The following MDN1 variants were observed in gnomAD, a reference collection of about 807,000 sequenced individuals.
MDN1 encodes midasin.
MDN1 carries 266 observed loss-of-function variants against 669.2 expected under a neutral mutation model. The observed-to-expected ratio is 0.40, with a 90% confidence interval of 0.36 to 0.44. The LOEUF (loss-of-function observed/expected upper bound fraction) is 0.44. MDN1 is among the 20% of genes least tolerant of loss of function. MDN1 has a pLI of 1.00. For synonymous variants in MDN1, 2,385 were observed against 2,457.1 expected (o/e 0.97, Z 0.87); for missense variants, 5,940 against 6,754.0 (o/e 0.88, Z 4.22).
intron 36 of MDN1, among the ~76,000 whole-genome samples, chr6:89,728,424 T>C (rs997184398): frequency 2.0e-5 from 3 of 152,224 alleles, no homozygotes; most frequent in Admixed American, 6.5e-5. Context: ...GAAAGAGAAT[T>C]AGAATAAAGC....
chr6:89,780,159 A>G (rs1584359491), intron 11 of MDN1, 53 bp downstream of exon 11: 2 of 987,528 alleles, frequency 2.0e-6, no homozygotes, highest in Non-Finnish European at 3.0e-6. Context: ...TAACAACGGA[A>G]GTCAACAGCC....
intron 19 of MDN1, among the ~76,000 whole-genome samples, chr6:89,757,185 A>G (rs1817296584): frequency 1.3e-5 from 2 of 152,192 alleles, no homozygotes; most frequent in South Asian, 4.1e-4. Context: ...TACCAACAAT[A>G]AATCTGGTCA....
chr6:89,790,742 C>A (rs1819223404), intron 5 of MDN1, among the ~76,000 whole-genome samples: 1 of 152,046 alleles, frequency 6.6e-6, no homozygotes, highest in Non-Finnish European at 1.5e-5. Context: ...AGCAAAGGGC[C>A]AGGTGTGGTG....
intron 7 of MDN1, among the ~76,000 whole-genome samples, chr6:89,788,173 A>T (rs939437925): frequency 5.3e-5 from 8 of 152,128 alleles, no homozygotes; most frequent in African/African-American, 9.7e-5. Flanking sequence ...CCTCCTGTGG[A>T]TCACAACCAA....
intron 84 of MDN1, among the ~76,000 whole-genome samples, chr6:89,666,783 G>C (rs942666790): frequency 6.6e-6 from 1 of 152,308 alleles, no homozygotes; most frequent in Admixed American, 6.5e-5. Context: ...ACTCTAGCCT[G>C]GGCAAGAGAG....
intron 53 of MDN1, among the ~76,000 whole-genome samples, 195 bp from the exon 54 acceptor site, chr6:89,702,256 G>A (rs954889394): frequency 3.9e-5 from 6 of 152,242 alleles, no homozygotes; most frequent in Non-Finnish European, 8.8e-5. Flanking sequence ...TGTAGGAACA[G>A]TAAGGCAGAC....
intron 2 of MDN1, among the ~76,000 whole-genome samples, chr6:89,799,680 T>A (rs769644847): frequency 6.6e-6 from 1 of 151,886 alleles, no homozygotes; most frequent in Non-Finnish European, 1.5e-5. Context: ...CGAAATTCCA[T>A]CTCCAAAGAA....
At chr6:89,788,892 G>A (rs1819108918) in intron 7 of MDN1, among the ~76,000 whole-genome samples, 1 of 152,184 alleles carries the variant, frequency 6.6e-6, no homozygotes, top group Admixed American at 6.5e-5. Flanking sequence ...TTGGGAGGCT[G>A]AGGCAGGCAG....
chr6:89,743,155 G>T lies in MDN1; in HGVS notation c.4443C>A (p.Leu1481=). The change falls in exon 31 of 102, where the codon CTC becomes CTA. Residue 1481 remains leucine, a synonymous_variant. Coordinates refer to ENST00000369393, the MANE Select transcript of MDN1 (RefSeq NM_014611.3). Reference sequence around the variant, plus strand: ...CAAACCTCTCAGGCACGTACCTGTTGAGTCTTTCCAAGACAGAGTCATCGG... The same window carrying T: ...CAAACCTCTCAGGCACGTACCTGTTTAGTCTTTCCAAGACAGAGTCATCGG... ...SLADDSVLER[L]NSVLEVEKSL... 6.2e-7 allele frequency: 1 copy of T among 1,613,958 alleles called. No homozygotes were observed. Among genetic ancestry groups the T allele is most frequent in the Non-Finnish European group, 8.5e-7 (1 of 1,179,978 alleles).
In MDN1 at chr6:89,670,937, A is replaced by G; in HGVS notation, c.13938T>C (p.Phe4646=). The G allele has an allele frequency of 2.5e-6, 4 of 1,614,162 alleles. No homozygotes were observed. The highest frequency in any genetic ancestry group is 2.5e-6 in the Non-Finnish European group (3 of 1,179,994). Residue 4646 remains phenylalanine (F), a synonymous_variant, in exon 83 of 102, where the codon TTT becomes TTC. Coordinates refer to ENST00000369393, the MANE Select transcript of MDN1 (RefSeq NM_014611.3). The part of the protein sequence containing the change: ...AKLLSVLAQV[F]TELAQKGFCL... ...TCCTTACCTTCTGGGCAAGCTCTGT[A>G]AAGACCTGGGCAAGCACAGAGAGCA...
At position 89,750,398 on chromosome 6, in the gene MDN1, C is replaced by T; in HGVS notation, c.3362G>A (p.Gly1121Asp). 1 of 1,613,860 alleles carries T rather than the reference C, an allele frequency of 6.2e-7. No individual in the cohort carries two copies. Among genetic ancestry groups the T allele is most frequent in the East Asian group, 2.2e-5 (1 of 44,876 alleles). ...HEHTDIQEYI[G>D]CYTSDSSGKL... ...CCCTGAGGAGTCAGACGTGTAACAACCAATGTACTCCTGAATATCCGTGTG... is the reference window on the plus strand; with the variant it reads ...CCCTGAGGAGTCAGACGTGTAACAATCAATGTACTCCTGAATATCCGTGTG... The change falls in exon 24 of 102, where the codon GGT (glycine) becomes GAT (aspartate). Residue 1121 changes from glycine (G) to aspartate (D), a missense_variant. By Grantham distance (94) the Gly-to-Asp change is moderately conservative. Coordinates refer to ENST00000369393, the MANE Select transcript of MDN1 (RefSeq NM_014611.3).
intron 9 of MDN1, among the ~76,000 whole-genome samples, chr6:89,783,633 C>G (rs1298072986): frequency 1.3e-5 from 2 of 152,160 alleles, no homozygotes; most frequent in Non-Finnish European, 2.9e-5. Context: ...TTTGTACCCA[C>G]TCCCTGTTCT....
In MDN1 at chr6:89,729,060, T is replaced by C. The variant is rs941893962; in HGVS notation, c.5220A>G (p.Leu1740=). 3.7e-6 allele frequency: 6 copies of C among 1,613,890 alleles called. No individual in the cohort carries two copies. Among genetic ancestry groups the C allele is most frequent in the Non-Finnish European group, 5.1e-6 (6 of 1,179,930 alleles). The change falls in exon 36 of 102, where the codon TTA becomes TTG. Residue 1740 remains leucine (L), a synonymous_variant. Transcript: ENST00000369393. ...GTTAMNAQRL[L]RATKLKKPIL... ...TGGGCTTCTTCAGTTTGGTAGCTCT[T>C]AAGAGCCTCTGTGCATTCATAGCAG...
chr6:89,764,789 A>G (rs9359862), intron 15 of MDN1, among the ~76,000 whole-genome samples: 130,034 of 152,160 alleles, frequency 0.85, 55,744 homozygotes, highest in African/African-American at 0.91. Flanking sequence ...GGGGAAGGTG[A>G]GAGATGATAT....
intron 69 of MDN1, 141 bp from the exon 70 acceptor site, chr6:89,686,114 GC>G: frequency 2.5e-6 from 2 of 809,244 alleles, no homozygotes; most frequent in Non-Finnish European, 3.8e-6. Context: ...AAGGACCATG[GC>G]TAAATTCTAA....
intron 23 of MDN1, among the ~76,000 whole-genome samples, chr6:89,750,791 C>CA (rs2128318825): frequency 6.6e-6 from 1 of 152,134 alleles, no homozygotes; most frequent in Admixed American, 6.5e-5. Context: ...TTTGCAGAGA[C>CA]AGAGTCTTGC....
chr6:89,652,146 A>T (rs1424382301), intron 95 of MDN1, 46 bp downstream of exon 95: 2 of 1,533,556 alleles, frequency 1.3e-6, no homozygotes, highest in Middle Eastern at 1.7e-4. Context: ...ACAAACAAAA[A>T]AAAAGTCGAG....
At chr6:89,803,066 C>A (rs1584395431) in intron 2 of MDN1, among the ~76,000 whole-genome samples, 1 of 152,190 alleles carries the variant, frequency 6.6e-6, no homozygotes, top group Non-Finnish European at 1.5e-5. Flanking sequence ...ATGATACAAT[C>A]CTTGAGAGCA....
rs1242942155 is a variant in MDN1, at chr6:89,695,752, C to T, written c.9624G>A (p.Gly3208=). The stretch of plus-strand genomic sequence containing the variant: ...GCTCAGGCAGGCTCCTCTTACTCTC[C>T]CCTTCACCAACAAAGTGGTGCAGGG... ...LTSLHHFVGE[G]ESKRSLPEPA... The change falls in exon 61 of 102, where the codon GGG becomes GGA. Residue 3208 remains glycine (G), a synonymous_variant. Coordinates refer to ENST00000369393, the MANE Select transcript of MDN1 (RefSeq NM_014611.3). The surrounding 1 kb of genome is among the most constrained non-coding windows in gnomAD (Gnocchi z 4.1). 1 of 1,613,778 alleles carries T rather than the reference C, an allele frequency of 6.2e-7. No homozygotes were observed. Among genetic ancestry groups the T allele is most frequent in the South Asian group, 1.1e-5 (1 of 91,078 alleles).
Sources: gnomAD v4.1 joint callset for allele counts (sites outside exome capture counted in the v4.1 genomes callset) on GRCh38, gnomAD v4.1.1 for gene constraint, Gnocchi (gnomAD v3.1) non-coding constraint, MANE v1.5 for transcripts, NCBI Gene and HGNC (gene_info 2026-07-23, HGNC 2026-07-21) for gene names.